ANG: variants seen among roughly 807,000 people sequenced by gnomAD.
ANG encodes the protein angiogenin.
For missense variants in ANG, 178 were observed against 187.4 expected (o/e 0.95, Z 0.29); for synonymous variants, 74 against 73.8 (o/e 1.00, Z -0.02).
chr14:20,687,051 A>G (rs1886459406), upstream of ANG, among the ~76,000 whole-genome samples: 1 of 152,240 alleles, frequency 6.6e-6, no homozygotes, highest in Admixed American at 6.5e-5. Flanking sequence ...CTGTCTGAAC[A>G]TTTAAAAAAT....
chr14:20,693,767 C>G lies in ANG; in HGVS notation c.203C>G (p.Thr68Arg). The G allele has an allele frequency of 6.2e-7, 1 of 1,614,198 alleles. No homozygotes were observed. Among genetic ancestry groups the G allele is most frequent in the Non-Finnish European group, 8.5e-7 (1 of 1,180,038 alleles). ...ACCTCACCCTGCAAAGACATCAACA[C>G]ATTTATTCATGGCAACAAGCGCAGC... ...GLTSPCKDIN[T>R]FIHGNKRSIK... Residue 68 changes from threonine (T) to arginine (R), a missense_variant, in exon 2 of 2, where the codon ACA (threonine) becomes AGA (arginine). Physicochemically the swap from Thr to Arg is moderately conservative, Grantham distance 71. Coordinates refer to ENST00000397990, the MANE Select transcript of ANG (RefSeq NM_001097577.3).
intron 1 of ANG, among the ~76,000 whole-genome samples, chr14:20,691,820 G>C (rs1005143399): frequency 2.6e-5 from 4 of 152,174 alleles, no homozygotes; most frequent in African/African-American, 9.7e-5. Flanking sequence ...ATTAGAAAGA[G>C]AGCCCACTTT....
At chr14:20,689,393 G>T (rs1275782094) in intron 1 of ANG, among the ~76,000 whole-genome samples, 1 of 152,156 alleles carries the variant, frequency 6.6e-6, no homozygotes, top group Non-Finnish European at 1.5e-5. Flanking sequence ...ATATGCCTTG[G>T]GTGTTAGGCT....
intron 1 of ANG, among the ~76,000 whole-genome samples, chr14:20,692,879 G>T (rs528727420): frequency 5.9e-5 from 9 of 151,952 alleles, no homozygotes; most frequent in Non-Finnish European, 1.3e-4. Context: ...ACGGAGTCTC[G>T]CTCTGTCGCC....
chr14:20,690,742 C>T (rs1477806829), intron 1 of ANG, among the ~76,000 whole-genome samples: 2 of 152,090 alleles, frequency 1.3e-5, no homozygotes, highest in South Asian at 4.1e-4. Flanking sequence ...TCTTGATGAA[C>T]AAACCTAGGC....
chr14:20,692,989 A>T (rs1234313313), intron 1 of ANG, among the ~76,000 whole-genome samples: 3 of 151,208 alleles, frequency 2.0e-5, no homozygotes, highest in African/African-American at 4.9e-5. Flanking sequence ...CTGGGACTAC[A>T]GGCGCCCGCC....
chr14:20,690,006 G>A (rs1209517159), intron 1 of ANG, among the ~76,000 whole-genome samples: 2 of 148,620 alleles, frequency 1.3e-5, no homozygotes, highest in Non-Finnish European at 3.0e-5. Context: ...ATGAGGTCAG[G>A]AGATCGAGAC....
intron 1 of ANG, among the ~76,000 whole-genome samples, chr14:20,689,602 A>C (rs1394938685): frequency 1.3e-5 from 2 of 152,192 alleles, no homozygotes; most frequent in African/African-American, 4.8e-5. Context: ...TTCATTTGAT[A>C]CAGAAGATAA....
chr14:20,692,929 G>C (rs974271615), intron 1 of ANG, among the ~76,000 whole-genome samples: 4 of 152,048 alleles, frequency 2.6e-5, no homozygotes, highest in Non-Finnish European at 5.9e-5. Context: ...CTCACTGCAA[G>C]CTCCGCCTCC....
chr14:20,693,787 C>A lies in ANG; in HGVS notation c.223C>A (p.Arg75Ser). Reference protein sequence around the residue: ...DINTFIHGNKRSIKAICENKN... With the variant: ...DINTFIHGNKSSIKAICENKN... ...CAACACATTTATTCATGGCAACAAGCGCAGCATCAAGGCCATCTGTGAAAA... is the reference window on the plus strand; with the variant it reads ...CAACACATTTATTCATGGCAACAAGAGCAGCATCAAGGCCATCTGTGAAAA... The change falls in exon 2 of 2, where the codon CGC becomes AGC. Residue 75 changes from arginine to serine, a missense_variant. Transcript: ENST00000397990. 6.2e-7 allele frequency: 1 copy of A among 1,614,166 alleles called. No individual in the cohort carries two copies. The highest frequency in any genetic ancestry group is 8.5e-7 in the Non-Finnish European group (1 of 1,180,036).
chr14:20,693,792 C>T lies in ANG; in HGVS notation c.228C>T (p.Ser76=), dbSNP rs765709767. The T allele has an allele frequency of 6.2e-7, 1 of 1,614,164 alleles. No individual in the cohort carries two copies. Among genetic ancestry groups the T allele is most frequent in the Admixed American group, 1.7e-5 (1 of 60,018 alleles). The change falls in exon 2 of 2, where the codon AGC becomes AGT. Residue 76 remains serine, a synonymous_variant. Transcript: ENST00000397990. ...CATTTATTCATGGCAACAAGCGCAG[C>T]ATCAAGGCCATCTGTGAAAACAAGA... ...INTFIHGNKR[S]IKAICENKNG...
intron 1 of ANG, among the ~76,000 whole-genome samples, chr14:20,691,032 G>A (rs1886714690): frequency 6.6e-6 from 1 of 152,258 alleles, no homozygotes; most frequent in East Asian, 1.9e-4. Flanking sequence ...ATCTAATGAG[G>A]TGTCCTTGGT....
intron 1 of ANG, among the ~76,000 whole-genome samples, chr14:20,689,904 A>C (rs1886626615): frequency 7.1e-6 from 1 of 140,464 alleles, no homozygotes; most frequent in South Asian, 2.3e-4. Context: ...CGATAGAACA[A>C]GACTCTGTCT....
intron 1 of ANG, among the ~76,000 whole-genome samples, chr14:20,691,298 T>C (rs1057085686): frequency 2.0e-5 from 3 of 152,352 alleles, no homozygotes; most frequent in East Asian, 1.9e-4. Flanking sequence ...CAGAAGAATG[T>C]TGACTGTGTA....
At chr14:20,691,329 A>G (rs1272530620) in intron 1 of ANG, among the ~76,000 whole-genome samples, 1 of 152,240 alleles carries the variant, frequency 6.6e-6, no homozygotes, top group Admixed American at 6.5e-5. Context: ...TTGACATTAG[A>G]AGTCAGTATT....
chr14:20,693,969 A>T lies in ANG; in HGVS notation c.405A>T (p.Leu135Phe). The change falls in exon 2 of 2, where the codon TTA becomes TTT. Residue 135 changes from leucine to phenylalanine, a missense_variant. By Grantham distance (22) the Leu-to-Phe change is conservative (BLOSUM62 0). Transcript: ENST00000397990. ...RNVVVACENG[L>F]PVHLDQSIFR... ...TTGTTGTTGCTTGTGAAAATGGCTT[A>T]CCTGTCCACTTGGATCAGTCAATTT... is the stretch of plus-strand genomic sequence containing the variant. 1 of 1,614,064 alleles carries T rather than the reference A, an allele frequency of 6.2e-7. No homozygotes were observed. The highest frequency in any genetic ancestry group is 2.2e-5 in the East Asian group (1 of 44,874).
chr14:20,692,064 G>C (rs1349750404), intron 1 of ANG, among the ~76,000 whole-genome samples: 4 of 152,182 alleles, frequency 2.6e-5, no homozygotes, highest in Non-Finnish European at 4.4e-5. Flanking sequence ...AATGTTCATT[G>C]ACTTACACAC....
At chr14:20,692,890 A>C (rs190194733) in intron 1 of ANG, among the ~76,000 whole-genome samples, 3,069 of 151,972 alleles carry the variant, frequency 0.02, 92 homozygotes, top group African/African-American at 0.065. Context: ...CTCTGTCGCC[A>C]AGGCTGGAGT....
chr14:20,684,662 G>A (rs886050397), upstream of ANG: 1 of 152,248 alleles, frequency 6.6e-6, no homozygotes, highest in Admixed American at 6.5e-5. Flanking sequence ...GTTTTCTACC[G>A]GCTCCCCATC....
Sources: gnomAD v4.1 joint callset for allele counts (sites outside exome capture counted in the v4.1 genomes callset) on GRCh38, gnomAD v4.1.1 for gene constraint, MANE v1.5 for transcripts, NCBI Gene and HGNC (gene_info 2026-07-23, HGNC 2026-07-21) for gene names.